GRIA2: variants seen among roughly 807,000 people sequenced by gnomAD.
GRIA2 encodes the protein glutamate receptor 2.
In GRIA2, 14 loss-of-function variants were observed where a neutral mutation model predicts 97.3. The observed-to-expected ratio is 0.14, with a 90% CI of 0.10 to 0.23. The LOEUF (loss-of-function observed/expected upper bound fraction) is 0.23, where lower values mean the gene tolerates loss of function less well. Among genes scored for constraint, GRIA2 ranks in the 10% least tolerant of loss-of-function variants. GRIA2 has a pLI of 1.00. For synonymous variants in GRIA2, 412 were observed against 387.8 expected (o/e 1.06, Z -0.73); for missense variants, 558 against 1,069.8 (o/e 0.52, Z 6.67).
chr4:157,282,468 GA>G (rs1732649652), intron 2 of GRIA2, among the ~76,000 whole-genome samples: 1 of 152,062 alleles, frequency 6.6e-6, no homozygotes, highest in Admixed American at 6.6e-5. Flanking sequence ...AAGAATTTGG[GA>G]AAAGTTTAAG....
chr4:157,234,467 TCC>T (rs1368113274), intron 2 of GRIA2, among the ~76,000 whole-genome samples: 1 of 151,698 alleles, frequency 6.6e-6, no homozygotes, highest in African/African-American at 2.4e-5. Context: ...CCACAAACCC[TCC>T]CCCCACCAAA....
chr4:157,247,892 C>T (rs1240417072), intron 2 of GRIA2, among the ~76,000 whole-genome samples: 1 of 151,968 alleles, frequency 6.6e-6, no homozygotes, highest in Non-Finnish European at 1.5e-5. Context: ...GGAAGAGACG[C>T]TTAAGGTTTA....
At chr4:157,329,851 CTTGCAAAA>C (rs1465950660) in intron 6 of GRIA2, among the ~76,000 whole-genome samples, 1 of 151,846 alleles carries the variant, frequency 6.6e-6, no homozygotes, top group African/African-American at 2.4e-5. Flanking sequence ...AAGACTTTTC[CTTGCAAAA>C]TTGTGACAAT....
In GRIA2 at chr4:157,303,789, G is replaced by A. The variant is rs567763510; in HGVS notation, c.467G>A (p.Arg156Lys). The change falls in exon 3 of 16, where the codon AGA becomes AAA. Residue 156 changes from arginine to lysine, a missense_variant and splice_region_variant. By Grantham distance (26) the Arg-to-Lys change is conservative. Around this residue, in one of 8 missense-constraint regions of GRIA2, gnomAD observed 173 missense variants for 209.1 expected, o/e 0.83. Coordinates refer to ENST00000264426, the MANE Select transcript of GRIA2 (RefSeq NM_001083619.3). Reference protein sequence around the residue: ...DKFAYLYDSDRGLSTLQAVLD... With the variant: ...DKFAYLYDSDKGLSTLQAVLD... ...TTTGCATACCTCTATGACAGTGACA[G>A]AGGTAAGTGACAGTATCTCATCTCT... 6.2e-7 allele frequency: 1 copy of A among 1,613,726 alleles called. No individual in the cohort carries two copies. Among genetic ancestry groups the A allele is most frequent in the African/African-American group, 1.3e-5 (1 of 75,054 alleles).
intron 11 of GRIA2, 113 bp downstream of exon 11, chr4:157,336,860 G>GT: frequency 1.1e-6 from 1 of 912,574 alleles, no homozygotes; most frequent in South Asian, 1.6e-5. Flanking sequence ...TGTCCAAGCA[G>GT]TTTAAGACTC....
At chr4:157,271,711 T>C (rs1339307800) in intron 2 of GRIA2, among the ~76,000 whole-genome samples, 1 of 152,060 alleles carries the variant, frequency 6.6e-6, no homozygotes, top group African/African-American at 2.4e-5. Context: ...CCCTGGAGGT[T>C]GTGGGTGGAG....
At chr4:157,338,965 A>T (rs916285666) in intron 11 of GRIA2, among the ~76,000 whole-genome samples, 1 of 152,024 alleles carries the variant, frequency 6.6e-6, no homozygotes, top group Admixed American at 6.6e-5. Flanking sequence ...ATATTAAAAA[A>T]ATTATGATTC....
intron 1 of GRIA2, chr4:157,221,456 C>T (rs1729487916): frequency 3.4e-6 from 2 of 589,228 alleles, no homozygotes; most frequent in Admixed American, 3.2e-5. Flanking sequence ...AGGTTTCTGG[C>T]CGCCTACCTC....
intron 2 of GRIA2, among the ~76,000 whole-genome samples, chr4:157,254,742 C>T (rs1731166620): frequency 1.3e-5 from 2 of 152,018 alleles, no homozygotes; most frequent in Non-Finnish European, 2.9e-5. Flanking sequence ...AGACGTTTTA[C>T]TTCTACTAAT....
rs763718575 is a variant in GRIA2, at chr4:157,221,857, C to T, written c.229+50C>T. On this transcript the variant is annotated intron_variant, in intron 2 of 15. Transcript: ENST00000264426. ...TCGGGTGCTGCACGCGGAAGGCCAG[C>T]GAGTGTGAGTGTGTGTGTGCGTTTC... 2.6e-6 allele frequency: 4 copies of T among 1,562,922 alleles called. No homozygotes were observed. In the Admixed American group the frequency reaches 6.7e-5, roughly 26 times the overall value.
chr4:157,247,975 T>A (rs918872350), intron 2 of GRIA2, among the ~76,000 whole-genome samples: 2 of 152,104 alleles, frequency 1.3e-5, no homozygotes, highest in African/African-American at 4.8e-5. Flanking sequence ...GTTATTCTTT[T>A]GTCAAATATA....
At chr4:157,255,925 T>A (rs908411123) in intron 2 of GRIA2, among the ~76,000 whole-genome samples, 3 of 151,384 alleles carry the variant, frequency 2.0e-5, no homozygotes, top group Non-Finnish European at 2.9e-5. Context: ...TTGCTAAGCA[T>A]CAGATAAATG....
Position 157,312,924 on chromosome 4 carries a change from C to A in GRIA2, c.666+49C>A, listed in dbSNP as rs750690951. 4.6e-6 allele frequency: 5 copies of A among 1,085,998 alleles called. No individual in the cohort carries two copies. In the East Asian group the frequency reaches 9.9e-5, roughly 22 times the overall value. 67.3% of individuals were successfully genotyped at this position (1,085,998 alleles called of 1,614,324 possible). A position where few individuals can be genotyped will look rare whatever the true frequency, so the allele number is the denominator to read the frequency against. Reference sequence around the variant, plus strand: ...TGATGCCAGATATAGAATATGCATGCAATGTCAGCATTTGCAATGTGTATT... The same window carrying A: ...TGATGCCAGATATAGAATATGCATGAAATGTCAGCATTTGCAATGTGTATT... On this transcript the variant is annotated intron_variant, in intron 4 of 15. Coordinates refer to ENST00000264426, the MANE Select transcript of GRIA2 (RefSeq NM_001083619.3).
chr4:157,221,210 T>C, intron 1 of GRIA2, 80 bp downstream of exon 1: 2 of 798,976 alleles, frequency 2.5e-6, no homozygotes, highest in South Asian at 1.4e-5. Context: ...AATTAATTCA[T>C]GTCATGTAGA....
chr4:157,230,884 C>T (rs370704669), intron 2 of GRIA2, among the ~76,000 whole-genome samples: 10 of 151,962 alleles, frequency 6.6e-5, no homozygotes, highest in African/African-American at 1.9e-4. Context: ...GAAAGGGTCT[C>T]GCTCTGTTCC....
intron 2 of GRIA2, among the ~76,000 whole-genome samples, chr4:157,226,954 G>T (rs1236276529): frequency 6.6e-6 from 1 of 152,070 alleles, no homozygotes; most frequent in East Asian, 1.9e-4. Flanking sequence ...TAATTAATCT[G>T]TTATTGAAGT....
intron 11 of GRIA2, among the ~76,000 whole-genome samples, chr4:157,338,278 A>T (rs930907463): frequency 6.6e-6 from 1 of 151,824 alleles, no homozygotes; most frequent in Non-Finnish European, 1.5e-5. Flanking sequence ...CCTAGTTCTG[A>T]AATGTAAGGC....
At chr4:157,311,734 C>G (rs1304226680) in intron 3 of GRIA2, among the ~76,000 whole-genome samples, 1 of 151,782 alleles carries the variant, frequency 6.6e-6, no homozygotes, top group Non-Finnish European at 1.5e-5. Flanking sequence ...ATTCTGGAGT[C>G]TCGATTTTGC....
intron 9 of GRIA2, chr4:157,334,801 A>T (rs557859544): frequency 4.6e-5 from 7 of 152,310 alleles, no homozygotes; most frequent in African/African-American, 1.7e-4. Flanking sequence ...TGGGCTTAGC[A>T]GTGAAGTTGT....
Sources: allele counts gnomAD v4.1 joint callset (sites outside exome capture counted in the v4.1 genomes callset), GRCh38; gene constraint gnomAD v4.1.1; regional missense constraint gnomAD v4.1.1; transcripts MANE v1.5; gene names NCBI Gene and HGNC (gene_info 2026-07-23, HGNC 2026-07-21).